MUC5B: variants seen among roughly 807,000 people sequenced by gnomAD.
MUC5B encodes the protein mucin-5B.
Under a neutral mutation model 376.9 loss-of-function variants are expected in MUC5B, and 116 were observed. The observed-to-expected ratio is 0.31, with a 90% confidence interval of 0.26 to 0.36. The LOEUF (loss-of-function observed/expected upper bound fraction) is 0.36, where lower values mean the gene tolerates loss of function less well. Among genes scored for constraint, MUC5B ranks in the 10% least tolerant of loss-of-function variants. The pLI, the probability that MUC5B is intolerant of heterozygous loss-of-function variation, is 1.00. For missense variants in MUC5B, 7,165 were observed against 7,769.9 expected (o/e 0.92, Z 2.93); for synonymous variants, 3,517 against 3,390.9 (o/e 1.04, Z -1.29).
In MUC5B at chr11:1,237,138, C is replaced by T; in HGVS notation, c.3271C>T (p.Pro1091Ser). The T allele has an allele frequency of 6.9e-7, 1 of 1,441,588 alleles. No individual in the cohort carries two copies. Among genetic ancestry groups the T allele is most frequent in the East Asian group, 2.7e-5 (1 of 37,348 alleles). The allele number at this position is 1,441,588 out of a possible 1,614,324, so 89.3% of individuals were successfully genotyped here. A position where few individuals can be genotyped will look rare whatever the true frequency, so the allele number is the denominator to read the frequency against. The change falls in exon 25 of 49, where the codon CCC becomes TCC. Residue 1091 changes from proline (P) to serine (S), a missense_variant. Transcript: ENST00000529681. ...AQKQCSILHG[P>S]TFAACRSQVD... is the part of the protein sequence containing the mutation. ...GAAGCAGTGCAGCATCCTCCACGGC[C>T]CCACCTTCGCCGCCTGCCGCTCCCA...
In MUC5B at chr11:1,243,651, T is replaced by A; in HGVS notation, c.6771T>A (p.Pro2257=). The A allele has an allele frequency of 1.9e-6, 3 of 1,608,752 alleles. No individual in the cohort carries two copies. The highest frequency in any genetic ancestry group is 3.3e-5 in the Admixed American group (2 of 59,782). ...CTCCAGCCCTTTCCAGCCCTCACCC[T>A]AGCAGCAGAACCACCGAGTCACCCC... ...HSTPALSSPH[P]SSRTTESPPS... The change falls in exon 31 of 49, where the codon CCT becomes CCA. Residue 2257 remains proline, a synonymous_variant. Transcript: ENST00000529681.
intron 46 of MUC5B, 39 bp from the exon 47 acceptor site, chr11:1,260,294 GCACCCACCAGGGAGGCCC>G (rs1201919573): frequency 1.3e-6 from 2 of 1,556,046 alleles, no homozygotes; most frequent in African/African-American, 2.7e-5. Flanking sequence ...CCAGGAGGCC[GCACCCACCAGGGAGGCCC>G]CGCCCACAGC....
At chr11:1,240,012 C>T (rs767521353) in intron 28 of MUC5B, 33 bp from the exon 29 acceptor site, 1 of 1,594,916 alleles carries the variant, frequency 6.3e-7, no homozygotes, top group African/African-American at 1.3e-5. Flanking sequence ...GGCTGCCCCC[C>T]AGGCCCTCAG....
Position 1,258,872 on chromosome 11 carries a change from G to T in MUC5B, c.16594-70G>T. The T allele has an allele frequency of 6.5e-7, 1 of 1,533,036 alleles. No homozygotes were observed. Among genetic ancestry groups the T allele is most frequent in the South Asian group, 1.2e-5 (1 of 83,156 alleles). 95.0% of individuals were successfully genotyped at this position (1,533,036 alleles called of 1,614,324 possible). ...GAACAACTCCCTGCAGGCCCCATTG[G>T]GTCATGGGGAGGGGTCCTGGCCCTG... On this transcript the variant is annotated intron_variant, in intron 43 of 48. Coordinates refer to ENST00000529681, the MANE Select transcript of MUC5B (RefSeq NM_002458.3). The surrounding 1 kb of genome is among the most constrained non-coding windows in gnomAD (Gnocchi z 5.5).
Position 1,254,724 on chromosome 11 carries a change from G to A in MUC5B, c.15508G>A (p.Gly5170Ser), listed in dbSNP as rs530544887. 3.8e-5 allele frequency: 61 copies of A among 1,612,808 alleles called. No homozygotes were observed. Among genetic ancestry groups the A allele is most frequent in the South Asian group, 2.1e-4 (19 of 91,070 alleles). The change falls in exon 35 of 49, where the codon GGT becomes AGT. Residue 5170 changes from glycine to serine, a missense_variant. Physicochemically the swap from Gly to Ser is moderately conservative, Grantham distance 56. Transcript: ENST00000529681. ...ILFDQIPVSSGFSKNGVLVSV... is the reference protein window; with the variant it reads ...ILFDQIPVSSSFSKNGVLVSV... ...GTTTGACCAAATTCCGGTGAGCAGC[G>A]GTTTCAGCAAGAACGGCGTGCTTGT...
Position 1,229,313 on chromosome 11 carries a change from T to C in MUC5B, c.1102+18T>C, listed in dbSNP as rs1362218927. On this transcript the variant is annotated intron_variant, in intron 9 of 48. Transcript: ENST00000529681. ...CCCCCCAGGCAGGTCTTGTGTGCCC[T>C]GAACCCCTCAGGGGGCTTTCAGGTC... is the stretch of plus-strand genomic sequence containing the variant. 9.7e-6 allele frequency: 15 copies of C among 1,546,978 alleles called. No individual in the cohort carries two copies. Among genetic ancestry groups the C allele is most frequent in the Non-Finnish European group, 1.1e-5 (13 of 1,149,414 alleles).
rs774591454 is a variant in MUC5B, at chr11:1,234,710, G to A, written c.2630+30G>A. Reference sequence around the variant, plus strand: ...GTCGTGAGTCTCTCGGAGGCAGCAGGTGGGGAGGGCGGGGGCGGGGAGGGC... The same window carrying A: ...GTCGTGAGTCTCTCGGAGGCAGCAGATGGGGAGGGCGGGGGCGGGGAGGGC... On this transcript the variant is annotated intron_variant, in intron 21 of 48. Transcript: ENST00000529681. This position sits in a 1 kb window ranked among gnomAD's most constrained non-coding sequence, Gnocchi z 6.3. 37 of 1,427,704 alleles carry A rather than the reference G, an allele frequency of 2.6e-5. No homozygotes were observed. The South Asian group carries it at 2.7e-4, about 10-fold the overall frequency. 88.4% of individuals were successfully genotyped at this position (1,427,704 alleles called of 1,614,324 possible).
Position 1,256,728 on chromosome 11 carries a change from G to T in MUC5B, c.16194G>T (p.Gln5398His). ...AGGGCTGCTTCTGCCCTGAGGACCA[G>T]ATCCTCTTCAACGCACACATGGGCA... Reference protein sequence around the residue: ...MAEGCFCPEDQILFNAHMGIC... With the variant: ...MAEGCFCPEDHILFNAHMGIC... The change falls in exon 39 of 49, where the codon CAG becomes CAT. Residue 5398 changes from glutamine to histidine, a missense_variant. Gln to His is a conservative substitution (Grantham distance 24). This residue lies in a region of MUC5B where 842 missense variants were observed against 1,016.9 expected (regional missense o/e 0.83). Transcript: ENST00000529681. 6.4e-7 allele frequency: 1 copy of T among 1,559,224 alleles called. No homozygotes were observed. The highest frequency in any genetic ancestry group is 8.7e-7 in the Non-Finnish European group (1 of 1,154,314).
In MUC5B at chr11:1,244,273, C is replaced by G; in HGVS notation, c.7393C>G (p.Leu2465Val). 6.2e-7 allele frequency: 1 copy of G among 1,607,358 alleles called. No homozygotes were observed. The highest frequency in any genetic ancestry group is 8.5e-7 in the Non-Finnish European group (1 of 1,177,098). Residue 2465 changes from leucine (L) to valine (V), a missense_variant, in exon 31 of 49, where the codon CTC (leucine) becomes GTC (valine). This residue lies in a region of MUC5B where 194 missense variants were observed against 268.5 expected (regional missense o/e 0.72). Transcript: ENST00000529681. The part of the protein sequence containing the change: ...PSSTPGTTWI[L>V]TEPSTTATVT... ...CTCCACCCCAGGGACCACCTGGATC[C>G]TCACAGAGCCGAGCACTACAGCCAC...
In MUC5B at chr11:1,241,215, C is replaced by A; in HGVS notation, c.4335C>A (p.Ser1445=). Residue 1445 remains serine, a synonymous_variant, in exon 31 of 49, where the codon TCC becomes TCA. Transcript: ENST00000529681. ...SPAPGTSPQP[S]LSASTEPAVP... is the part of the protein sequence containing the mutation. Reference sequence around the variant, plus strand: ...CCCCAGGCACCAGCCCTCAGCCCTCCCTCAGTGCCAGCACGGAGCCTGCTG... The same window carrying A: ...CCCCAGGCACCAGCCCTCAGCCCTCACTCAGTGCCAGCACGGAGCCTGCTG... 6.3e-7 allele frequency: 1 copy of A among 1,593,672 alleles called. No homozygotes were observed. The highest frequency in any genetic ancestry group is 1.8e-5 in the Admixed American group (1 of 56,866).
rs767598122 is a variant in MUC5B, at chr11:1,240,884, G to T, written c.4004G>T (p.Arg1335Leu). Residue 1335 changes from arginine (R) to leucine (L), a missense_variant, in exon 31 of 49, where the codon CGC (arginine) becomes CTC (leucine). Arg to Leu is a moderately radical substitution (Grantham distance 102). Around this residue, in one of 31 missense-constraint regions of MUC5B, gnomAD observed 517 missense variants for 545.3 expected, o/e 0.95. Coordinates refer to ENST00000529681, the MANE Select transcript of MUC5B (RefSeq NM_002458.3). ...PALPVSTVCV[R>L]EVCRWSSWYN... is the part of the protein sequence containing the mutation. ...CTCCCGGTCTCCACCGTGTGTGTCC[G>T]CGAGGTCTGCCGCTGGTCCAGCTGG... is the stretch of plus-strand genomic sequence containing the variant. 5 of 1,611,812 alleles carry T rather than the reference G, an allele frequency of 3.1e-6. No homozygotes were observed. The African/African-American group carries it at 5.3e-5, about 17-fold the overall frequency.
chr11:1,238,741 C>T (rs1862209041), intron 25 of MUC5B, 130 bp from the exon 26 acceptor site: 2 of 1,040,140 alleles, frequency 1.9e-6, no homozygotes, highest in Non-Finnish European at 2.8e-6. Flanking sequence ...ATTCCAGGCC[C>T]CAGGAGCTCA....
Position 1,242,845 on chromosome 11 carries a change from G to A in MUC5B, c.5965G>A (p.Gly1989Ser), listed in dbSNP as rs1862327221. 1.9e-6 allele frequency: 3 copies of A among 1,612,280 alleles called. No homozygotes were observed. Among genetic ancestry groups the A allele is most frequent in the Non-Finnish European group, 1.7e-6 (2 of 1,179,508 alleles). Residue 1989 changes from glycine to serine, a missense_variant, in exon 31 of 49, where the codon GGC (glycine) becomes AGC (serine). Around this residue, in one of 31 missense-constraint regions of MUC5B, gnomAD observed 897 missense variants for 779.6 expected, o/e 1.15. Transcript: ENST00000529681. ...SVTPIPSSSL[G>S]TTWTRLSQTT... is the part of the protein sequence containing the mutation. ...TACACCCATCCCCTCTTCCTCCCTG[G>A]GCACCACCTGGACCCGCCTATCACA... is the stretch of plus-strand genomic sequence containing the variant.
At position 1,249,745 on chromosome 11, in the gene MUC5B, C is replaced by A; in HGVS notation, c.12865C>A (p.Pro4289Thr). The A allele has an allele frequency of 3.7e-6, 6 of 1,612,306 alleles. No homozygotes were observed. Among genetic ancestry groups the A allele is most frequent in the Non-Finnish European group, 5.1e-6 (6 of 1,179,208 alleles). ...PKVLTSPATT[P>T]TATSSKATSS... ...AGTGCTGACCAGCCCGGCCACCACACCCACAGCCACCAGTTCCAAAGCCAC... is the reference window on the plus strand; with the variant it reads ...AGTGCTGACCAGCCCGGCCACCACAACCACAGCCACCAGTTCCAAAGCCAC... The change falls in exon 31 of 49, where the codon CCC (proline) becomes ACC (threonine). Residue 4289 changes from proline (P) to threonine (T), a missense_variant. Transcript: ENST00000529681.
chr11:1,253,033 C>A lies in MUC5B; in HGVS notation c.15217+53C>A. 1.9e-6 allele frequency: 3 copies of A among 1,603,366 alleles called. No homozygotes were observed. Among genetic ancestry groups the A allele is most frequent in the Non-Finnish European group, 2.6e-6 (3 of 1,174,228 alleles). On this transcript the variant is annotated intron_variant, in intron 33 of 48. Transcript: ENST00000529681. This position sits in a 1 kb window ranked among gnomAD's most constrained non-coding sequence, Gnocchi z 4.3. ...CCCCGGGGGCAGGTGGAGCAGAGTG[C>A]ACCGTCGGCTAGGCTGGCAGAATGG...
chr11:1,247,262 C>A lies in MUC5B; in HGVS notation c.10382C>A (p.Pro3461His), dbSNP rs538662819. Residue 3461 changes from proline (P) to histidine (H), a missense_variant, in exon 31 of 49, where the codon CCC becomes CAC. Transcript: ENST00000529681. ...TATTHGRSLPPSSPHTVRTAW... is the reference protein window; with the variant it reads ...TATTHGRSLPHSSPHTVRTAW... ...ACCACACACGGGCGGTCCCTGCCCCCCAGCAGTCCCCACACGGTGCGCACA... is the reference window on the plus strand; with the variant it reads ...ACCACACACGGGCGGTCCCTGCCCCACAGCAGTCCCCACACGGTGCGCACA... 6.2e-7 allele frequency: 1 copy of A among 1,612,198 alleles called. No individual in the cohort carries two copies. Among genetic ancestry groups the A allele is most frequent in the Non-Finnish European group, 8.5e-7 (1 of 1,179,582 alleles).
chr11:1,230,385 T>C, intron 11 of MUC5B, 105 bp from the exon 12 acceptor site: 1 of 1,216,184 alleles, frequency 8.2e-7, no homozygotes, highest in Non-Finnish European at 1.1e-6. Flanking sequence ...AAGGACCACC[T>C]CCCCACAGAG....
At chr11:1,227,264 G>A in intron 5 of MUC5B, 44 bp from the exon 6 acceptor site, 1 of 1,573,536 alleles carries the variant, frequency 6.4e-7, no homozygotes, top group South Asian at 1.1e-5. Flanking sequence ...GCCAGTGTGG[G>A]GATCAGAGGT....
intron 34 of MUC5B, 146 bp downstream of exon 34, chr11:1,254,497 C>T (rs1466179460): frequency 2.2e-5 from 29 of 1,306,264 alleles, no homozygotes; most frequent in Admixed American, 4.8e-5. Flanking sequence ...CCTGTGGAGC[C>T]GCCTAAGGCC....
Sources: allele counts gnomAD v4.1 joint callset, GRCh38; gene constraint gnomAD v4.1.1; regional missense constraint gnomAD v4.1.1; non-coding constraint Gnocchi (gnomAD v3.1); transcripts MANE v1.5; gene names NCBI Gene and HGNC (gene_info 2026-07-23, HGNC 2026-07-21).